RALYL: variants seen among roughly 807,000 people sequenced by gnomAD.
RALYL encodes RNA-binding Raly-like protein.
A neutral mutation model predicts 35.1 loss-of-function variants in RALYL; 29 were observed. The observed-to-expected ratio is 0.83, with a 90% CI of 0.61 to 1.13. The LOEUF is 1.13. Ranked by LOEUF, RALYL falls within the 50% of genes most tolerant of loss-of-function variation. RALYL has a pLI of 0.00. For synonymous variants in RALYL, 120 were observed against 127.6 expected, an observed-to-expected ratio of 0.94 and a Z score of 0.40; for missense variants, 359 against 360.4, an observed-to-expected ratio of 1.00 and a Z score of 0.03.
chr8:84,552,119 GTT>G (rs35344751), intron 2 of RALYL, among the ~76,000 whole-genome samples: 47 of 142,420 alleles, frequency 3.3e-4, no homozygotes, highest in African/African-American at 5.6e-4. Flanking sequence ...AGGAGAGGAA[GTT>G]TTTTTTTTTT....
intron 1 of RALYL, among the ~76,000 whole-genome samples, chr8:84,436,548 T>G (rs1372767310): frequency 2.3e-5 from 2 of 87,308 alleles, no homozygotes; most frequent in African/African-American, 8.1e-5. Context: ...TGGGAGTTTT[T>G]TTTTTTTTTT....
chr8:84,865,210 T>C lies in RALYL; in HGVS notation c.571+2757T>C, dbSNP rs530957401. On this transcript the variant is annotated intron_variant, in intron 6 of 8. Transcript: ENST00000521268. ...GGTTTCTGGAAATAACAAAAGTTTC[T>C]AACTCAAATCACAAATGAAAAGTAT... 3.7e-3 allele frequency among the ~76,000 whole-genome samples: 570 copies of C among 152,308 alleles called. 6 individuals are homozygous for C. Among genetic ancestry groups the C allele is most frequent in the African/African-American group, 0.013 (543 of 41,584 alleles).
chr8:84,376,232 C>T (rs1309531661), intron 1 of RALYL, among the ~76,000 whole-genome samples: 1 of 151,814 alleles, frequency 6.6e-6, no homozygotes, highest in Non-Finnish European at 1.5e-5. Context: ...AGGCTCAGTA[C>T]TTGGAATAGT....
intron 1 of RALYL, among the ~76,000 whole-genome samples, chr8:84,464,142 G>GTT (rs71271994): frequency 0.02 from 2,807 of 142,920 alleles, 50 homozygotes; most frequent in Middle Eastern, 0.037. Context: ...TTTTTTTTTT[G>GTT]TTTTTTTTTT....
chr8:84,579,022 C>T (rs937901876), intron 2 of RALYL, among the ~76,000 whole-genome samples: 2 of 152,172 alleles, frequency 1.3e-5, no homozygotes, highest in Non-Finnish European at 2.9e-5. Flanking sequence ...CCCCTTTCTG[C>T]CCAGGAGGCT....
At chr8:84,734,955 A>C (rs2132932273) in intron 2 of RALYL, among the ~76,000 whole-genome samples, 1 of 152,160 alleles carries the variant, frequency 6.6e-6, no homozygotes. Context: ...ATGATTTAAA[A>C]CATGAATATA....
At chr8:84,836,097 TAAC>T (rs985653368) in intron 4 of RALYL, among the ~76,000 whole-genome samples, 39 of 152,282 alleles carry the variant, frequency 2.6e-4, no homozygotes, top group African/African-American at 8.9e-4. Context: ...GAGAGAAAAG[TAAC>T]AACATACCCC....
chr8:84,367,318 ATTTTTTTTTTTTTTTTTTTTTTTTTTTT>A lies in RALYL; in HGVS notation c.-23-161957_-23-161930del, dbSNP rs56387511. ...GCCATCCTGCCCAACTAATTTTTGTATTTTTTTTTTTTTTTTTTTTTTTTTTTTTTTTTTTTTTTTTTTTTTTTTTTAG... is the reference window on the plus strand; with the variant it reads ...GCCATCCTGCCCAACTAATTTTTGTATTTTTTTTTTTTTTTTTTTTTTTAG... On this transcript the variant is annotated intron_variant, in intron 1 of 8. Transcript: ENST00000521268. 1.0e-3 allele frequency among the ~76,000 whole-genome samples: 28 copies of A among 27,408 alleles called. 2 individuals carry two copies. Among genetic ancestry groups the A allele is most frequent in the South Asian group, 8.3e-3 (4 of 482 alleles). 18.0% of individuals were successfully genotyped at this position (27,408 alleles called of 152,430 possible).
intron 6 of RALYL, among the ~76,000 whole-genome samples, chr8:84,867,086 T>C (rs1457828351): frequency 6.6e-6 from 1 of 152,198 alleles, no homozygotes; most frequent in Admixed American, 6.5e-5. Flanking sequence ...CTGATGGCTG[T>C]GAGGTAAGGA....
At chr8:84,809,955 G>T (rs570261392) in intron 4 of RALYL, among the ~76,000 whole-genome samples, 12 of 151,956 alleles carry the variant, frequency 7.9e-5, no homozygotes, top group Admixed American at 7.2e-4. Flanking sequence ...TTTATCTTTT[G>T]TATTATTTCT....
chr8:84,490,888 A>T (rs1363466911), intron 1 of RALYL, among the ~76,000 whole-genome samples: 1 of 151,756 alleles, frequency 6.6e-6, no homozygotes, highest in Admixed American at 6.6e-5. Flanking sequence ...TTAAATTTAT[A>T]TTCAAATATA....
intron 8 of RALYL, among the ~76,000 whole-genome samples, chr8:84,908,314 T>G (rs999696892): frequency 6.6e-6 from 1 of 152,142 alleles, no homozygotes; most frequent in African/African-American, 2.4e-5. Flanking sequence ...AACTTACTCC[T>G]CCTCTCTAAC....
intron 2 of RALYL, among the ~76,000 whole-genome samples, chr8:84,533,141 T>C (rs1416355287): frequency 6.6e-6 from 1 of 152,134 alleles, no homozygotes; most frequent in Admixed American, 6.5e-5. Flanking sequence ...TATTTGGTTA[T>C]TTAATTGATT....
chr8:84,205,134 A>G (rs1463700051), intron 1 of RALYL, among the ~76,000 whole-genome samples: 2 of 152,186 alleles, frequency 1.3e-5, no homozygotes, highest in Non-Finnish European at 2.9e-5. Context: ...CTTTCGTTTT[A>G]TATACATTGT....
At chr8:84,784,942 A>G (rs768082767) in intron 3 of RALYL, among the ~76,000 whole-genome samples, 21 of 152,146 alleles carry the variant, frequency 1.4e-4, no homozygotes, top group Non-Finnish European at 2.2e-4. Flanking sequence ...ATTTATTTTT[A>G]TTGGTATTTC....
chr8:84,714,365 T>C (rs1253409210), intron 2 of RALYL, among the ~76,000 whole-genome samples: 1 of 151,856 alleles, frequency 6.6e-6, no homozygotes, highest in Non-Finnish European at 1.5e-5. Context: ...CATAACAATA[T>C]ATCATATGCT....
rs546310954 is a variant in RALYL at position 84,678,258 on chromosome 8, TTTTTTG to T, written c.257-96302_257-96297del. The stretch of plus-strand genomic sequence containing the variant: ...CCTGCAAGTATAGTTTTTTTGTTGT[TTTTTTG>T]TTTTTGTTTTTGTTTTTGAGATGGA... On this transcript the variant is annotated intron_variant, in intron 2 of 8. Transcript: ENST00000521268. Among the ~76,000 whole-genome samples the T allele has an allele frequency of 3.0e-3, 456 of 152,036 alleles. 2 individuals are homozygous for T. Among genetic ancestry groups the T allele is most frequent in the African/African-American group, 0.011 (438 of 41,436 alleles).
intron 2 of RALYL, among the ~76,000 whole-genome samples, chr8:84,541,121 CT>C (rs969693979): frequency 2.4e-4 from 36 of 148,198 alleles, no homozygotes; most frequent in Non-Finnish European, 3.0e-4. Context: ...GAATAATATC[CT>C]TTTTTTTTTC....
intron 1 of RALYL, among the ~76,000 whole-genome samples, chr8:84,276,845 A>C (rs577707467): frequency 2.0e-5 from 3 of 152,370 alleles, no homozygotes; most frequent in Non-Finnish European, 4.4e-5. Context: ...AATCTAGAAA[A>C]GTTTAGACTT....
Sources: allele counts gnomAD v4.1 joint callset (sites outside exome capture counted in the v4.1 genomes callset), GRCh38; gene constraint gnomAD v4.1.1; transcripts MANE v1.5; gene names NCBI Gene and HGNC (gene_info 2026-07-23, HGNC 2026-07-21).